Variants in PRIM2 observed in about 807,000 individuals in gnomAD.
PRIM2 encodes DNA primase subunit 2.
A neutral mutation model predicts 67.3 loss-of-function variants in PRIM2; 39 were observed. The observed-to-expected ratio is 0.58, with a 90% CI of 0.45 to 0.76. The LOEUF is 0.76. Ranked by LOEUF, PRIM2 falls within the 30% of genes least tolerant of loss-of-function variation. PRIM2 has a pLI of 0.00. For synonymous variants in PRIM2, 143 were observed against 198.7 expected, an observed-to-expected ratio of 0.72 and a Z score of 2.36; for missense variants, 398 against 598.7, an observed-to-expected ratio of 0.66 and a Z score of 3.50.
chr6:57,488,188 C>G lies in PRIM2; in HGVS notation c.694-19199C>G, dbSNP rs1773797557. On this transcript the variant is annotated intron_variant, in intron 7 of 13. Transcript: ENST00000615550. ...TTTCAGTTTTATTTATATTAAAATC[C>G]CTAGTATGTAATCTCTGACTACAAT... is the stretch of plus-strand genomic sequence containing the variant. 2.0e-5 allele frequency among the ~76,000 whole-genome samples: 3 copies of G among 152,116 alleles called. No individual in the cohort carries two copies. In the South Asian group the frequency reaches 6.2e-4, roughly 32 times the overall value.
chr6:57,282,145 C>T, the PRIM2 span, among the ~76,000 whole-genome samples: 1 of 152,168 alleles, frequency 6.6e-6, no homozygotes, highest in Non-Finnish European at 1.5e-5. Flanking sequence ...TATCTGTCCT[C>T]TTTTGGGGCC....
chr6:57,492,096 G>A (rs1265210363), intron 7 of PRIM2, among the ~76,000 whole-genome samples: 5 of 152,140 alleles, frequency 3.3e-5, no homozygotes, highest in Admixed American at 2.0e-4. Flanking sequence ...GCGTGTCAGA[G>A]GTTGTCCGGG....
At chr6:57,225,354 T>G in the PRIM2 span, among the ~76,000 whole-genome samples, 1 of 152,352 alleles carries the variant, frequency 6.6e-6, no homozygotes, top group South Asian at 2.1e-4. Context: ...ACTTTTTATT[T>G]GACTTGAGGC....
the PRIM2 span, among the ~76,000 whole-genome samples, chr6:57,270,692 C>T: frequency 6.6e-6 from 1 of 152,146 alleles, no homozygotes; most frequent in Non-Finnish European, 1.5e-5. Context: ...GAGAGGGCAT[C>T]CCTGTCTTGT....
the PRIM2 span, among the ~76,000 whole-genome samples, chr6:57,252,081 A>T: frequency 6.6e-6 from 1 of 152,242 alleles, no homozygotes; most frequent in Non-Finnish European, 1.5e-5. Flanking sequence ...TGCCCTTTGA[A>T]TTAATCACAA....
chr6:57,239,657 A>T, the PRIM2 span, among the ~76,000 whole-genome samples: 1 of 152,064 alleles, frequency 6.6e-6, no homozygotes, highest in African/African-American at 2.4e-5. Context: ...TTGGGGGAGG[A>T]TCACCTGAGC....
the PRIM2 span, among the ~76,000 whole-genome samples, chr6:57,265,667 T>C: frequency 6.6e-6 from 1 of 152,200 alleles, no homozygotes. Flanking sequence ...AGCCCAGAAA[T>C]TGATGTCACT....
chr6:57,411,238 G>A (rs1432360987), intron 7 of PRIM2, among the ~76,000 whole-genome samples: 2 of 151,994 alleles, frequency 1.3e-5, no homozygotes, highest in Admixed American at 6.6e-5. Flanking sequence ...TGCAGATGTC[G>A]CTATGCTTCT....
At chr6:57,563,959 G>A (rs1418940700) in intron 10 of PRIM2, among the ~76,000 whole-genome samples, 9 of 152,074 alleles carry the variant, frequency 5.9e-5, no homozygotes, top group Admixed American at 6.6e-5. Flanking sequence ...GCGTACAGCC[G>A]GCCTTAGCTT....
intron 7 of PRIM2, among the ~76,000 whole-genome samples, chr6:57,454,747 A>G (rs1402494598): frequency 2.6e-5 from 4 of 152,228 alleles, no homozygotes; most frequent in African/African-American, 9.6e-5. Context: ...TCCTGGATTC[A>G]TTGATTTTTT....
chr6:57,563,169 A>G (rs1775671615), intron 10 of PRIM2, among the ~76,000 whole-genome samples: 1 of 152,138 alleles, frequency 6.6e-6, no homozygotes, highest in Non-Finnish European at 1.5e-5. Flanking sequence ...AGCCTCTGTG[A>G]ATATCTGATT....
At chr6:57,597,002 C>T (rs1281464262) in intron 10 of PRIM2, among the ~76,000 whole-genome samples, 9 of 151,528 alleles carry the variant, frequency 5.9e-5, no homozygotes, top group Non-Finnish European at 7.4e-5. Context: ...AAACAGCTAC[C>T]GCTTATTTGC....
chr6:57,222,357 C>G, the PRIM2 span: 2 of 152,346 alleles, frequency 1.3e-5, no homozygotes, highest in African/African-American at 4.8e-5. Flanking sequence ...GGCCCTGCCC[C>G]GCCCCTGTTC....
At chr6:57,259,141 A>G in the PRIM2 span, among the ~76,000 whole-genome samples, 1 of 152,324 alleles carries the variant, frequency 6.6e-6, no homozygotes, top group Non-Finnish European at 1.5e-5. Flanking sequence ...AAATTCTTGA[A>G]GGTCACAAGC....
At chr6:57,450,711 T>C (rs2127390025) in intron 7 of PRIM2, among the ~76,000 whole-genome samples, 1 of 152,338 alleles carries the variant, frequency 6.6e-6, no homozygotes, top group Admixed American at 6.5e-5. Context: ...ATGCAGTAAG[T>C]GATTTATAAA....
the PRIM2 span, among the ~76,000 whole-genome samples, chr6:57,262,819 C>T: frequency 2.0e-5 from 3 of 152,152 alleles, no homozygotes; most frequent in Admixed American, 6.5e-5. Context: ...CTGCTTCCAC[C>T]GTCTTTCTAG....
intron 5 of PRIM2, among the ~76,000 whole-genome samples, chr6:57,363,564 G>A (rs988803053): frequency 3.9e-5 from 6 of 152,140 alleles, no homozygotes; most frequent in Non-Finnish European, 8.8e-5. Flanking sequence ...AGCACATTAA[G>A]ATATATCACT....
chr6:57,375,780 A>T lies in PRIM2; in HGVS notation c.460-4121A>T, dbSNP rs559079279. Among the ~76,000 whole-genome samples, 127 of 151,858 alleles carry T rather than the reference A, an allele frequency of 8.4e-4. 1 individual carries two copies. Among genetic ancestry groups the T allele is most frequent in the African/African-American group, 2.4e-3 (101 of 41,398 alleles). On this transcript the variant is annotated intron_variant, in intron 5 of 13. Transcript: ENST00000615550. The stretch of plus-strand genomic sequence containing the variant: ...CATCACACCCAGCTAATTAAAAAAA[A>T]TTTTTTTTAGTTTGGGTATAATGGT...
chr6:57,456,573 C>T (rs1258805654), intron 7 of PRIM2, among the ~76,000 whole-genome samples: 10 of 152,232 alleles, frequency 6.6e-5, no homozygotes, highest in African/African-American at 1.9e-4. Context: ...TCCAGTTGAT[C>T]GAATCGGCTA....
Sources: allele counts gnomAD v4.1 joint callset (sites outside exome capture counted in the v4.1 genomes callset), GRCh38; gene constraint gnomAD v4.1.1; transcripts MANE v1.5; gene names NCBI Gene and HGNC (gene_info 2026-07-23, HGNC 2026-07-21).